Variants in DENND2D observed in about 807,000 individuals in gnomAD.
DENND2D encodes the protein DENN domain containing 2D.
DENND2D carries 37 observed loss-of-function variants against 59.8 expected under a neutral mutation model. The ratio of observed to expected loss-of-function variants is 0.62; its 90% CI spans 0.48 to 0.81. DENND2D has a LOEUF of 0.81. Among genes scored for constraint, DENND2D ranks in the 40% least tolerant of loss-of-function variants. The pLI, the probability that DENND2D is intolerant of heterozygous loss-of-function variation, is 0.00. For missense variants in DENND2D, 525 were observed against 579.7 expected, an observed-to-expected ratio of 0.91 and a Z score of 0.97; for synonymous variants, 219 against 211.3, an observed-to-expected ratio of 1.04 and a Z score of -0.31.
upstream of DENND2D, chr1:111,204,071 CCCCTCAGGCCTGGCCTCGCCGT>C: frequency 2.8e-6 from 1 of 353,366 alleles, no homozygotes; most frequent in South Asian, 6.6e-5. Flanking sequence ...TCCCCCTCGC[CCCCTCAGGCCTGGCCTCGCCGT>C]CCCCGCCCCC....
rs374886131 is a variant in DENND2D, at chr1:111,199,894, G to A, written c.68-96C>T. The stretch of plus-strand genomic sequence containing the variant: ...CGGGTGACCTCCACACCTCAAGGCC[G>A]CCTTGCCAATGCTGAGATACCTGGA... On this transcript the variant is annotated intron_variant, in intron 1 of 11. Transcript: ENST00000357640. The A allele has an allele frequency of 4.3e-4, 627 of 1,461,306 alleles. 1 individual carries two copies. The highest frequency in any genetic ancestry group is 4.9e-4 in the Non-Finnish European group (533 of 1,085,462). 90.5% of individuals were successfully genotyped at this position (1,461,306 alleles called of 1,614,324 possible).
intron 7 of DENND2D, among the ~76,000 whole-genome samples, chr1:111,193,373 T>G (rs940793299): frequency 4.6e-5 from 7 of 152,156 alleles, no homozygotes; most frequent in Admixed American, 3.3e-4. Context: ...CCTGCCGACC[T>G]CCACTTCCCA....
chr1:111,188,697 C>G lies in DENND2D; in HGVS notation c.1099+5G>C. 6.2e-7 allele frequency: 1 copy of G among 1,612,464 alleles called. No homozygotes were observed. Among genetic ancestry groups the G allele is most frequent in the Non-Finnish European group, 8.5e-7 (1 of 1,178,560 alleles). ...GAGAGACCCAAAATAAGAGTAAGGA[C>G]TTACTCTTTAACTCATTGATCCCCT... On this transcript the variant is annotated splice_donor_5th_base_variant and intron_variant, in intron 10 of 11. Coordinates refer to ENST00000357640, the MANE Select transcript of DENND2D (RefSeq NM_024901.5).
intron 9 of DENND2D, 39 bp from the exon 10 acceptor site, chr1:111,188,825 A>G (rs770184517): frequency 2.0e-5 from 31 of 1,577,260 alleles, no homozygotes; most frequent in Non-Finnish European, 1.7e-6. Context: ...GCAGGAAGGA[A>G]GTGTGGAGTG....
rs574161587 is a variant in DENND2D, at chr1:111,188,623, T to C, written c.1099+79A>G. The C allele has an allele frequency of 1.0e-4, 143 of 1,383,716 alleles. No individual in the cohort carries two copies. In the African/African-American group the frequency reaches 1.9e-3, roughly 18 times the overall value. The allele number at this position is 1,383,716 out of a possible 1,614,324, so 85.7% of individuals were successfully genotyped here. The stretch of plus-strand genomic sequence containing the variant: ...GGTCTAGGACTACTGAATGAGTTCA[T>C]TTTAGTTCTGGAAGGGAATGATTGA... On this transcript the variant is annotated intron_variant, in intron 10 of 11. Transcript: ENST00000357640.
chr1:111,188,389 C>A lies in DENND2D; in HGVS notation c.1100-19G>T, dbSNP rs748493753. 1 of 1,611,002 alleles carries A rather than the reference C, an allele frequency of 6.2e-7. No homozygotes were observed. Among genetic ancestry groups the A allele is most frequent in the Admixed American group, 1.7e-5 (1 of 59,948 alleles). On this transcript the variant is annotated intron_variant, in intron 10 of 11. Coordinates refer to ENST00000357640, the MANE Select transcript of DENND2D (RefSeq NM_024901.5). ...TCTGCAGCTGCAGGAGATATAAAGG[C>A]CATCTCAGAGGGTAGCAGAAGGATG...
Position 111,187,410 on chromosome 1 carries a change from G to A in DENND2D, c.*195C>T. On this transcript the variant is annotated 3_prime_UTR_variant, in exon 12 of 12. Coordinates refer to ENST00000357640, the MANE Select transcript of DENND2D (RefSeq NM_024901.5). ...CCAGTTCTGTGAGCATGGTGTCAGA[G>A]CCCTCCAAAGTCCTGAGAAATCAAT... The A allele has an allele frequency of 1.7e-6, 1 of 588,524 alleles. No homozygotes were observed. The highest frequency in any genetic ancestry group is 2.1e-5 in the South Asian group (1 of 48,434). The allele number at this position is 588,524 out of a possible 1,614,324, so 36.5% of individuals were successfully genotyped here.
Position 111,188,182 on chromosome 1 carries a change from G to T in DENND2D, c.1288C>A (p.Leu430Ile), listed in dbSNP as rs1557949164. ...GCTTCCTGGATGAAAAGTGAGAAGA[G>T]CTGTGTCTTCACAAACTTCTTCACA... The part of the protein sequence containing the change: ...RFVKKFVKTQ[L>I]FSLFIQEAEK... The change falls in exon 11 of 12, where the codon CTC (leucine) becomes ATC (isoleucine). Residue 430 changes from leucine to isoleucine, a missense_variant. Physicochemically the swap from Leu to Ile is conservative, Grantham distance 5 (BLOSUM62 2). Around this residue, in one of 3 missense-constraint regions of DENND2D, gnomAD observed 225 missense variants for 252.4 expected, o/e 0.89. Transcript: ENST00000357640. 1 of 1,614,164 alleles carries T rather than the reference G, an allele frequency of 6.2e-7. No individual in the cohort carries two copies. Among genetic ancestry groups the T allele is most frequent in the Non-Finnish European group, 8.5e-7 (1 of 1,180,028 alleles).
In DENND2D at chr1:111,200,533, A is replaced by G; in HGVS notation, c.-74T>C. The G allele has an allele frequency of 6.5e-7, 1 of 1,545,524 alleles. No homozygotes were observed. Among genetic ancestry groups the G allele is most frequent in the Non-Finnish European group, 8.7e-7 (1 of 1,143,692 alleles). ...AGACTGGTGACAGTAAGCCTGAGAA[A>G]GGGGCTGCTTCGGTCTCCAGCCACA... On this transcript the variant is annotated 5_prime_UTR_variant, in exon 1 of 12. Transcript: ENST00000357640.
chr1:111,200,044 G>C (rs1252607653), intron 1 of DENND2D: 2 of 599,550 alleles, frequency 3.3e-6, no homozygotes, highest in Non-Finnish European at 5.8e-6. Flanking sequence ...AGAAGCCACG[G>C]AAATGTGCTG....
rs201051055 is a variant in DENND2D at position 111,188,729 on chromosome 1, G to A, written c.1072C>T (p.Leu358Phe). 1.6e-4 allele frequency: 262 copies of A among 1,614,092 alleles called. 1 individual carries two copies. Among genetic ancestry groups the A allele is most frequent in the Non-Finnish European group, 1.7e-4 (198 of 1,179,988 alleles). Residue 358 changes from leucine (L) to phenylalanine (F), a missense_variant, in exon 10 of 12, where the codon CTT becomes TTT. Leu to Phe is a conservative substitution (Grantham distance 22, BLOSUM62 0). Transcript: ENST00000357640. ...PKLQDDILDS[L>F]GQGINELKTA... ...TTTAACTCATTGATCCCCTGACCAA[G>A]AGAGTCTAAGATGTCATCCTGAAGC...
chr1:111,187,710 C>T, intron 11 of DENND2D, 29 bp from the exon 12 acceptor site: 1 of 1,562,230 alleles, frequency 6.4e-7, no homozygotes, highest in Non-Finnish European at 8.8e-7. Flanking sequence ...GTGTTAGAGG[C>T]ATCTGATCTG....
intron 4 of DENND2D, 130 bp downstream of exon 4, chr1:111,197,790 C>A: frequency 6.7e-7 from 1 of 1,498,320 alleles, no homozygotes; most frequent in South Asian, 1.3e-5. Flanking sequence ...GGCAGCAGGT[C>A]CTGGGCTGTG....
Position 111,187,499 on chromosome 1 carries a change from G to A in DENND2D, c.*106C>T. On this transcript the variant is annotated 3_prime_UTR_variant, in exon 12 of 12. Coordinates refer to ENST00000357640, the MANE Select transcript of DENND2D (RefSeq NM_024901.5). Reference sequence around the variant, plus strand: ...ACCTGGATACCAAGACTCAGAGTGAGGATATGGATTTTGGGAGCTGACAGT... The same window carrying A: ...ACCTGGATACCAAGACTCAGAGTGAAGATATGGATTTTGGGAGCTGACAGT... The A allele has an allele frequency of 1.2e-6, 1 of 847,300 alleles. No homozygotes were observed. The highest frequency in any genetic ancestry group is 2.0e-6 in the Non-Finnish European group (1 of 506,810). The allele number at this position is 847,300 out of a possible 1,614,324, so 52.5% of individuals were successfully genotyped here.
Position 111,196,048 on chromosome 1 carries a change from A to G in DENND2D, c.513T>C (p.Asp171=), listed in dbSNP as rs1318459603. 1 of 1,608,956 alleles carries G rather than the reference A, an allele frequency of 6.2e-7. No homozygotes were observed. Among genetic ancestry groups the G allele is most frequent in the African/African-American group, 1.3e-5 (1 of 74,868 alleles). ...AGATCTGATGTCTCTTCTCCACTTC[A>G]TCCAGGATCTGCAGGGAAAAGAACC... is the stretch of plus-strand genomic sequence containing the variant. ...GCFGLFSKIL[D]EVEKRHQISM... is the part of the protein sequence containing the mutation. The change falls in exon 6 of 12, where the codon GAT becomes GAC. Residue 171 remains aspartate (D), a synonymous_variant. Coordinates refer to ENST00000357640, the MANE Select transcript of DENND2D (RefSeq NM_024901.5).
rs1658683711 is a variant in DENND2D at position 111,200,378 on chromosome 1, CA to C, written c.67+14del. 1 of 1,609,304 alleles carries C rather than the reference CA, an allele frequency of 6.2e-7. No individual in the cohort carries two copies. The highest frequency in any genetic ancestry group is 1.7e-5 in the Admixed American group (1 of 59,610). ...GTCACCCTAAAAACAAGGAAGTAGG[CA>C]GTCCAGTCCTGACCTGCTCGGAGTT... On this transcript the variant is annotated intron_variant, in intron 1 of 11. Transcript: ENST00000357640.
chr1:111,188,590 C>G, intron 10 of DENND2D, 112 bp downstream of exon 10: 1 of 1,228,332 alleles, frequency 8.1e-7, no homozygotes, highest in African/African-American at 1.5e-5. Flanking sequence ...TTCTAGGCCT[C>G]TAGGGCTGGT....
At chr1:111,197,279 C>A in intron 4 of DENND2D, 26 bp from the exon 5 acceptor site, 1 of 1,600,800 alleles carries the variant, frequency 6.2e-7, no homozygotes, top group Non-Finnish European at 8.5e-7. Context: ...GAGGCTCCTT[C>A]AGTGCTGCAG....
intron 9 of DENND2D, 125 bp downstream of exon 9, chr1:111,189,087 C>A (rs1657488664): frequency 2.6e-6 from 3 of 1,152,336 alleles, no homozygotes; most frequent in Non-Finnish European, 3.8e-6. Flanking sequence ...GAGATGTGGT[C>A]TTTTTAGCAC....
Sources: allele counts gnomAD v4.1 joint callset (sites outside exome capture counted in the v4.1 genomes callset), GRCh38; gene constraint gnomAD v4.1.1; regional missense constraint gnomAD v4.1.1; transcripts MANE v1.5; gene names NCBI Gene and HGNC (gene_info 2026-07-23, HGNC 2026-07-21).